Variants in SH3RF2 observed in about 807,000 individuals in gnomAD.
SH3RF2 encodes the protein E3 ubiquitin-protein ligase SH3RF2.
In SH3RF2, 43 loss-of-function variants were observed where a neutral mutation model predicts 59.0. The ratio of observed to expected loss-of-function variants is 0.73; its 90% confidence interval spans 0.57 to 0.94. The LOEUF (loss-of-function observed/expected upper bound fraction) is 0.94. Among genes scored for constraint, SH3RF2 ranks in the 40% least tolerant of loss-of-function variants. The probability of loss-of-function intolerance (pLI) is 0.00; values close to 1 mark genes in which losing one functional copy is unlikely to be tolerated. For missense variants in SH3RF2, 930 were observed against 940.1 expected, an observed-to-expected ratio of 0.99 and a Z score of 0.14; for synonymous variants, 391 against 391.5, an observed-to-expected ratio of 1.00 and a Z score of 0.01.
rs996287260 is a variant in SH3RF2 at position 146,048,038 on chromosome 5, C to T, written c.1151+175C>T. Among the ~76,000 whole-genome samples, 4 of 152,106 alleles carry T rather than the reference C, an allele frequency of 2.6e-5. No homozygotes were observed. The East Asian group carries it at 5.8e-4, about 22-fold the overall frequency. ...GTGAAAAACAGAAATTAGGGCCAGG[C>T]GCAGTGGCTCACACCTGTAATCCCA... On this transcript the variant is annotated intron_variant, in intron 6 of 9. Coordinates refer to ENST00000359120, the MANE Select transcript of SH3RF2 (RefSeq NM_152550.4).
downstream of SH3RF2, among the ~76,000 whole-genome samples, chr5:146,067,704 ACACTGGTT>A (rs1300807264): frequency 5.3e-5 from 8 of 152,318 alleles, no homozygotes; most frequent in Non-Finnish European, 1.0e-4. Flanking sequence ...GAGTGTGGCA[ACACTGGTT>A]GGTAGAATGT....
At chr5:146,022,009 A>G (rs1173983902) in intron 5 of SH3RF2, among the ~76,000 whole-genome samples, 1 of 152,230 alleles carries the variant, frequency 6.6e-6, no homozygotes, top group African/African-American at 2.4e-5. Context: ...CTTAGCAATC[A>G]GTTGCTGGAT....
At chr5:145,994,056 C>T (rs1462446455) in intron 2 of SH3RF2, among the ~76,000 whole-genome samples, 1 of 152,194 alleles carries the variant, frequency 6.6e-6, no homozygotes, top group Non-Finnish European at 1.5e-5. Context: ...ACCAGATACG[C>T]TAAATCAACT....
At chr5:146,037,359 G>A (rs1761976199) in intron 5 of SH3RF2, among the ~76,000 whole-genome samples, 1 of 152,178 alleles carries the variant, frequency 6.6e-6, no homozygotes, top group Non-Finnish European at 1.5e-5. Flanking sequence ...AGCCGTGGCT[G>A]CATAGTGCCT....
chr5:146,023,245 G>A (rs1196221249), intron 5 of SH3RF2, among the ~76,000 whole-genome samples: 1 of 151,386 alleles, frequency 6.6e-6, no homozygotes, highest in Admixed American at 6.6e-5. Flanking sequence ...GTCTCACTCT[G>A]CCACCCAGGC....
intron 2 of SH3RF2, among the ~76,000 whole-genome samples, chr5:145,960,769 A>G (rs747053036): frequency 6.6e-6 from 1 of 152,226 alleles, no homozygotes; most frequent in Non-Finnish European, 1.5e-5. Flanking sequence ...CTACAGAGAT[A>G]GAAAATGAGA....
intron 2 of SH3RF2, among the ~76,000 whole-genome samples, chr5:145,953,669 A>G (rs746819862): frequency 1.5e-4 from 23 of 152,188 alleles, no homozygotes; most frequent in Non-Finnish European, 2.6e-4. Context: ...AATTAAGCCT[A>G]GTACCCAAAA....
At chr5:146,015,733 C>T (rs1761079280) in intron 5 of SH3RF2, among the ~76,000 whole-genome samples, 1 of 152,182 alleles carries the variant, frequency 6.6e-6, no homozygotes, top group African/African-American at 2.4e-5. Flanking sequence ...TAGTAGGATT[C>T]AAAACAAGTA....
At chr5:146,011,766 TAAG>T (rs1760910916) in intron 4 of SH3RF2, among the ~76,000 whole-genome samples, 1 of 152,214 alleles carries the variant, frequency 6.6e-6, no homozygotes, top group Non-Finnish European at 1.5e-5. Context: ...CTTATCAGCT[TAAG>T]GAGATTTTGG....
At chr5:146,040,827 G>A (rs1414098953) in intron 5 of SH3RF2, among the ~76,000 whole-genome samples, 1 of 152,186 alleles carries the variant, frequency 6.6e-6, no homozygotes, top group Non-Finnish European at 1.5e-5. Flanking sequence ...ATAGAGAAGG[G>A]CTGATAGCCT....
intron 2 of SH3RF2, among the ~76,000 whole-genome samples, chr5:145,939,661 CCCTGGTCTAGTCATCAAT>C (rs1249033815): frequency 6.6e-6 from 1 of 152,202 alleles, no homozygotes; most frequent in East Asian, 1.9e-4. Context: ...CCTCCACTAC[CCCTGGTCTAGTCATCAAT>C]CAGAATCCAC....
At chr5:146,006,632 A>G (rs1457193969) in intron 4 of SH3RF2, among the ~76,000 whole-genome samples, 3 of 149,748 alleles carry the variant, frequency 2.0e-5, no homozygotes, top group Non-Finnish European at 4.4e-5. Flanking sequence ...TGGAGCTTAG[A>G]GAGTGAAAGA....
intron 4 of SH3RF2, among the ~76,000 whole-genome samples, chr5:146,009,468 G>GC (rs1183905148): frequency 1.3e-5 from 2 of 152,058 alleles, no homozygotes. Context: ...AGCTTATGGT[G>GC]CCTCTTCTGG....
chr5:146,059,261 G>T (rs949817660), intron 8 of SH3RF2, among the ~76,000 whole-genome samples: 2 of 152,108 alleles, frequency 1.3e-5, no homozygotes, highest in African/African-American at 4.8e-5. Context: ...GTCTGCTGTT[G>T]TGCTTGCCTA....
chr5:146,027,228 A>G lies in SH3RF2; in HGVS notation c.1059+13167A>G, dbSNP rs150159177. 3.1e-3 allele frequency among the ~76,000 whole-genome samples: 465 copies of G among 152,378 alleles called. 4 individuals carry two copies. Among genetic ancestry groups the G allele is most frequent in the African/African-American group, 0.011 (438 of 41,590 alleles). ...TCATACTGTAATTCCGTGTGAACCC[A>G]TGTGAGAGAAGCCAAAAATGAATGC... On this transcript the variant is annotated intron_variant, in intron 5 of 9. Coordinates refer to ENST00000359120, the MANE Select transcript of SH3RF2 (RefSeq NM_152550.4).
chr5:145,949,391 C>T (rs2149944670), intron 2 of SH3RF2, among the ~76,000 whole-genome samples: 1 of 152,314 alleles, frequency 6.6e-6, no homozygotes, highest in Non-Finnish European at 1.5e-5. Flanking sequence ...AGGAATAGAA[C>T]TCTGCAGGTC....
chr5:145,987,633 A>T (rs975563210), intron 2 of SH3RF2, among the ~76,000 whole-genome samples: 1 of 152,126 alleles, frequency 6.6e-6, no homozygotes, highest in Admixed American at 6.6e-5. Context: ...GCTTGCAATT[A>T]TATATTTATG....
chr5:145,948,734 C>G (rs575552779), intron 2 of SH3RF2, among the ~76,000 whole-genome samples: 3 of 152,170 alleles, frequency 2.0e-5, no homozygotes, highest in Non-Finnish European at 4.4e-5. Flanking sequence ...TCTGTTCCTC[C>G]GGAAGTCAGC....
chr5:145,964,141 C>T (rs1561712909), intron 2 of SH3RF2, among the ~76,000 whole-genome samples: 2 of 151,458 alleles, frequency 1.3e-5, no homozygotes, highest in African/African-American at 4.8e-5. Flanking sequence ...CTCTTCCTTT[C>T]TTTCCTTCCT....
Sources: allele counts gnomAD v4.1 joint callset (sites outside exome capture counted in the v4.1 genomes callset), GRCh38; gene constraint gnomAD v4.1.1; transcripts MANE v1.5; gene names NCBI Gene and HGNC (gene_info 2026-07-23, HGNC 2026-07-21).